The following STXBP5L variants were observed in gnomAD, a reference collection of about 807,000 sequenced individuals.
The protein encoded by STXBP5L is syntaxin-binding protein 5-like.
A neutral mutation model predicts 144.5 loss-of-function variants in STXBP5L; 65 were observed. The ratio of observed to expected loss-of-function variants is 0.45; its 90% confidence interval spans 0.37 to 0.55. STXBP5L has a LOEUF of 0.55. Ranked by LOEUF, STXBP5L falls within the 20% of genes least tolerant of loss-of-function variation. The pLI, the probability that STXBP5L is intolerant of heterozygous loss-of-function variation, is 0.00. For missense variants in STXBP5L, 1,298 were observed against 1,405.5 expected, an observed-to-expected ratio of 0.92 and a Z score of 1.22; for synonymous variants, 505 against 469.6, an observed-to-expected ratio of 1.08 and a Z score of -0.97.
intron 19 of STXBP5L, among the ~76,000 whole-genome samples, chr3:121,300,400 G>A (rs934735036): frequency 8.5e-5 from 13 of 152,126 alleles, no homozygotes; most frequent in East Asian, 3.8e-4. Flanking sequence ...TTGTCTTTCC[G>A]TAAACTCTGT....
At chr3:120,946,914 A>AT (rs1206192212) in intron 2 of STXBP5L, among the ~76,000 whole-genome samples, 4 of 151,732 alleles carry the variant, frequency 2.6e-5, no homozygotes, top group African/African-American at 7.3e-5. Context: ...GTACAGGTTT[A>AT]TGTATTTCAT....
At chr3:121,356,126 G>T (rs1576272355) in intron 20 of STXBP5L, among the ~76,000 whole-genome samples, 1 of 152,244 alleles carries the variant, frequency 6.6e-6, no homozygotes, top group African/African-American at 2.4e-5. Context: ...GGAGGTGTCT[G>T]CCAGTTAGGC....
At chr3:121,097,586 C>T (rs911133442) in intron 5 of STXBP5L, among the ~76,000 whole-genome samples, 4 of 152,132 alleles carry the variant, frequency 2.6e-5, no homozygotes, top group African/African-American at 7.2e-5. Context: ...CGACTTCTTG[C>T]ACTTCCTGGG....
chr3:121,178,360 C>G (rs1048377223), intron 9 of STXBP5L, among the ~76,000 whole-genome samples: 114 of 152,048 alleles, frequency 7.5e-4, no homozygotes, highest in African/African-American at 2.7e-3. Context: ...TTTCCGTGTT[C>G]CAGTGAGTGA....
At chr3:121,350,411 T>A (rs1360393180) in intron 20 of STXBP5L, among the ~76,000 whole-genome samples, 1 of 152,138 alleles carries the variant, frequency 6.6e-6, no homozygotes, top group Non-Finnish European at 1.5e-5. Flanking sequence ...TCATTTCAAC[T>A]TTGGTGAATC....
intron 9 of STXBP5L, among the ~76,000 whole-genome samples, chr3:121,163,934 A>G (rs1332987402): frequency 6.6e-6 from 1 of 152,180 alleles, no homozygotes; most frequent in Non-Finnish European, 1.5e-5. Flanking sequence ...TTTGTTCTTT[A>G]AAAAACAGGT....
intron 3 of STXBP5L, among the ~76,000 whole-genome samples, chr3:120,975,988 T>C (rs1202796374): frequency 4.6e-5 from 7 of 150,728 alleles, no homozygotes; most frequent in African/African-American, 1.7e-4. Context: ...TCATCAAGGA[T>C]ATTGGTCTAA....
Position 121,421,199 on chromosome 3 carries a change from C to T in STXBP5L, c.*2102C>T, listed in dbSNP as rs1387342690. 2.0e-5 allele frequency: 3 copies of T among 151,846 alleles called. No homozygotes were observed. Among genetic ancestry groups the T allele is most frequent in the East Asian group, 1.9e-4 (1 of 5,190 alleles). 9.4% of individuals were successfully genotyped at this position (151,846 alleles called of 1,614,324 possible). On this transcript the variant is annotated 3_prime_UTR_variant, in exon 27 of 27. Transcript: ENST00000471454. ...TTTCAGAACAAATACTTTATCGTTT[C>T]TGTATTTTAAAAAAAACTAAAAGAG... is the stretch of plus-strand genomic sequence containing the variant.
chr3:120,975,974 A>T (rs1940944732), intron 3 of STXBP5L, among the ~76,000 whole-genome samples: 1 of 151,922 alleles, frequency 6.6e-6, no homozygotes, highest in African/African-American at 2.4e-5. Flanking sequence ...TTTTGCATCA[A>T]TGTTCATCAA....
intron 24 of STXBP5L, among the ~76,000 whole-genome samples, chr3:121,415,523 G>C (rs1286457628): frequency 6.6e-6 from 1 of 152,102 alleles, no homozygotes; most frequent in African/African-American, 2.4e-5. Flanking sequence ...TAAAAAAGAA[G>C]CTATAGTGAC....
chr3:120,987,917 C>T (rs928970014), intron 3 of STXBP5L, among the ~76,000 whole-genome samples: 1 of 151,760 alleles, frequency 6.6e-6, no homozygotes, highest in African/African-American at 2.4e-5. Context: ...TCTGGTGAAA[C>T]CAACTGGGTC....
At chr3:121,194,370 T>A (rs919310495) in intron 9 of STXBP5L, among the ~76,000 whole-genome samples, 28 of 152,196 alleles carry the variant, frequency 1.8e-4, no homozygotes, top group African/African-American at 6.8e-4. Context: ...TTATTCCTAT[T>A]TATTGGTGAA....
chr3:121,002,910 A>G (rs528984219), intron 3 of STXBP5L, among the ~76,000 whole-genome samples: 1 of 152,282 alleles, frequency 6.6e-6, no homozygotes, highest in East Asian at 1.9e-4. Context: ...GCTGCATAGT[A>G]TTCCATGGTG....
At chr3:121,041,206 T>C (rs1947128630) in intron 3 of STXBP5L, among the ~76,000 whole-genome samples, 1 of 151,672 alleles carries the variant, frequency 6.6e-6, no homozygotes. Context: ...GTGTAGATGT[T>C]TTATACTTTT....
intron 9 of STXBP5L, among the ~76,000 whole-genome samples, chr3:121,172,828 G>A (rs562316753): frequency 4.5e-4 from 68 of 152,242 alleles, no homozygotes; most frequent in Admixed American, 5.9e-4. Context: ...TCCCATTACT[G>A]GGTGTATACC....
At chr3:121,260,494 T>A (rs1466666356) in intron 18 of STXBP5L, among the ~76,000 whole-genome samples, 1 of 152,042 alleles carries the variant, frequency 6.6e-6, no homozygotes, top group East Asian at 1.9e-4. Context: ...ATAATAAAAA[T>A]TAATAAAAAC....
At chr3:121,343,202 C>A (rs925488681) in intron 20 of STXBP5L, among the ~76,000 whole-genome samples, 6 of 151,742 alleles carry the variant, frequency 4.0e-5, no homozygotes, top group African/African-American at 1.5e-4. Context: ...TTGTTTTTTT[C>A]TTGTAAATTT....
At chr3:121,370,685 CAG>C (rs1242911386) in intron 20 of STXBP5L, among the ~76,000 whole-genome samples, 1 of 152,168 alleles carries the variant, frequency 6.6e-6, no homozygotes, top group African/African-American at 2.4e-5. Context: ...TCATATTTCT[CAG>C]AGGTTTTGTT....
chr3:121,119,279 G>A (rs1384233843), intron 6 of STXBP5L, among the ~76,000 whole-genome samples: 3 of 151,392 alleles, frequency 2.0e-5, no homozygotes, highest in Non-Finnish European at 4.4e-5. Context: ...TTATGTAGGT[G>A]GGTAATGTGC....
Sources: allele counts gnomAD v4.1 joint callset (sites outside exome capture counted in the v4.1 genomes callset), GRCh38; gene constraint gnomAD v4.1.1; transcripts MANE v1.5; gene names NCBI Gene and HGNC (gene_info 2026-07-23, HGNC 2026-07-21).